Variants in TOPAZ1 observed in about 807,000 individuals in gnomAD.
TOPAZ1 encodes the protein protein TOPAZ1.
In TOPAZ1, 66 loss-of-function variants were observed where a neutral mutation model predicts 172.2. That is an observed-to-expected ratio of 0.38 (90% CI 0.31 to 0.47). The LOEUF (loss-of-function observed/expected upper bound fraction) is 0.47. Among genes scored for constraint, TOPAZ1 ranks in the 20% least tolerant of loss-of-function variants. The probability of loss-of-function intolerance (pLI) is 0.99; values close to 1 mark genes in which losing one functional copy is unlikely to be tolerated. For synonymous variants in TOPAZ1, 681 were observed against 683.9 expected (o/e 1.00, Z 0.07); for missense variants, 1,822 against 1,972.4 (o/e 0.92, Z 1.44).
chr3:44,289,482 AT>A (rs11387976), intron 11 of TOPAZ1, among the ~76,000 whole-genome samples: 2 of 151,602 alleles, frequency 1.3e-5, no homozygotes, highest in South Asian at 2.1e-4. Context: ...TTTTTACAGG[AT>A]TTTTTTTTAC....
intron 8 of TOPAZ1, among the ~76,000 whole-genome samples, chr3:44,279,105 G>A (rs566826224): frequency 6.6e-6 from 1 of 152,198 alleles, no homozygotes; most frequent in South Asian, 2.1e-4. Flanking sequence ...TCAGGAGCAG[G>A]TTGTTTAGTT....
In TOPAZ1 at chr3:44,305,239, T is replaced by C; in HGVS notation, c.3957T>C (p.Phe1319=). 1 of 1,548,972 alleles carries C rather than the reference T, an allele frequency of 6.5e-7. No homozygotes were observed. The change falls in exon 14 of 20, where the codon TTT becomes TTC. Residue 1319 remains phenylalanine (F), a synonymous_variant. Transcript: ENST00000309765. The part of the protein sequence containing the change: ...GCEKFADFQT[F]CACIAETLTK... ...AAAAATTTGCAGATTTCCAGACATTTTGTGCTTGCATTGCTGAAACACTCA... is the reference window on the plus strand; with the variant it reads ...AAAAATTTGCAGATTTCCAGACATTCTGTGCTTGCATTGCTGAAACACTCA...
chr3:44,270,820 A>G lies in TOPAZ1; in HGVS notation c.3372+10A>G. 1 of 1,537,470 alleles carries G rather than the reference A, an allele frequency of 6.5e-7. No homozygotes were observed. The highest frequency in any genetic ancestry group is 2.1e-5 in the Admixed American group (1 of 47,644). On this transcript the variant is annotated intron_variant, in intron 8 of 19. Coordinates refer to ENST00000309765, the MANE Select transcript of TOPAZ1 (RefSeq NM_001145030.2). ...ACAAGGGGATGAAAAGGTAAAACAT[A>G]TAAAGTCTTTAAAGTAGAGATTGTT...
At chr3:44,296,586 CA>C (rs145738442) in intron 12 of TOPAZ1, among the ~76,000 whole-genome samples, 4 of 148,474 alleles carry the variant, frequency 2.7e-5, no homozygotes, top group Non-Finnish European at 4.5e-5. Flanking sequence ...TTAAAAACCA[CA>C]AAAAAAAACA....
At chr3:44,298,406 C>A (rs755533139) in intron 12 of TOPAZ1, among the ~76,000 whole-genome samples, 2 of 152,026 alleles carry the variant, frequency 1.3e-5, no homozygotes, top group African/African-American at 4.8e-5. Flanking sequence ...TGCAATGAGC[C>A]GTGATTGCAC....
Position 44,287,820 on chromosome 3 carries a change from TA to T in TOPAZ1, c.3664del (p.Ile1222LeufsTer36). 6.9e-7 allele frequency: 1 copy of T among 1,452,470 alleles called. No individual in the cohort carries two copies. Among genetic ancestry groups the T allele is most frequent in the Non-Finnish European group, 9.3e-7 (1 of 1,069,876 alleles). The allele number at this position is 1,452,470 out of a possible 1,614,324, so 90.0% of individuals were successfully genotyped here. ...AAATTAAGGAATGCTGTACCTGCTT[TA>T]ATTGATATCTTTTGCAAGGTATGGT... ...TMKLRNAVPA[L>X]IDIFCKLVEA... On this transcript the variant is annotated frameshift_variant, in exon 11 of 20. Coordinates refer to ENST00000309765, the MANE Select transcript of TOPAZ1 (RefSeq NM_001145030.2). LOFTEE classifies it high-confidence loss of function.
chr3:44,303,054 A>G (rs1288300506), intron 12 of TOPAZ1, among the ~76,000 whole-genome samples: 4 of 152,116 alleles, frequency 2.6e-5, no homozygotes, highest in Admixed American at 2.0e-4. Flanking sequence ...GCTGGTCTCA[A>G]ACTCCTGAGC....
chr3:44,326,088 C>A (rs1700598141), intron 18 of TOPAZ1, among the ~76,000 whole-genome samples: 1 of 152,154 alleles, frequency 6.6e-6, no homozygotes, highest in Non-Finnish European at 1.5e-5. Flanking sequence ...GAGTTGTTTT[C>A]ACTTTTTGGC....
At chr3:44,283,022 A>C (rs951586343) in intron 9 of TOPAZ1, among the ~76,000 whole-genome samples, 2 of 152,312 alleles carry the variant, frequency 1.3e-5, no homozygotes, top group African/African-American at 4.8e-5. Flanking sequence ...AATTCCAGAA[A>C]TAATTCCATA....
intron 4 of TOPAZ1, among the ~76,000 whole-genome samples, chr3:44,257,973 T>C (rs1204718520): frequency 1.3e-5 from 2 of 152,204 alleles, no homozygotes; most frequent in Non-Finnish European, 2.9e-5. Context: ...AGAGGATTAT[T>C]AATTGATAAT....
intron 18 of TOPAZ1, among the ~76,000 whole-genome samples, chr3:44,327,942 C>T (rs796796568): frequency 1.3e-5 from 2 of 152,156 alleles, no homozygotes; most frequent in African/African-American, 4.8e-5. Flanking sequence ...TGGGGTTTCA[C>T]CATGTTGGCC....
chr3:44,336,641 G>T (rs1172006373), downstream of TOPAZ1, among the ~76,000 whole-genome samples: 3 of 152,156 alleles, frequency 2.0e-5, no homozygotes, highest in Non-Finnish European at 4.4e-5. Flanking sequence ...CGTTCTGCAG[G>T]ATCCCCTTGT....
At chr3:44,331,364 C>T (rs1315623841) in intron 19 of TOPAZ1, among the ~76,000 whole-genome samples, 2 of 151,838 alleles carry the variant, frequency 1.3e-5, no homozygotes, top group African/African-American at 2.4e-5. Flanking sequence ...CTTGCTCTAT[C>T]ACTCAGGCTA....
chr3:44,247,111 A>C (rs35540759), intron 2 of TOPAZ1, among the ~76,000 whole-genome samples: 51,637 of 152,024 alleles, frequency 0.34, 9,458 homozygotes, highest in African/African-American at 0.43. Context: ...TGGGGGGGAA[A>C]TCCACCACCC....
At chr3:44,335,353 C>T (rs1332329512), downstream of TOPAZ1, among the ~76,000 whole-genome samples, 1 of 152,048 alleles carries the variant, frequency 6.6e-6, no homozygotes, top group Non-Finnish European at 1.5e-5. Flanking sequence ...GGGCCAGGCA[C>T]AGTGGCTCAC....
chr3:44,298,905 ATATATTTT>A (rs1446560456), intron 12 of TOPAZ1, among the ~76,000 whole-genome samples: 15 of 12,684 alleles, frequency 1.2e-3, no homozygotes, highest in African/African-American at 6.2e-3. Flanking sequence ...ATATATATAT[ATATATTTT>A]TTTTTTTTTT....
chr3:44,281,869 T>C, intron 8 of TOPAZ1, 99 bp from the exon 9 acceptor site: 1 of 705,250 alleles, frequency 1.4e-6, no homozygotes. Context: ...TGAGATCATT[T>C]AAAAATTTCA....
intron 11 of TOPAZ1, among the ~76,000 whole-genome samples, chr3:44,289,526 C>T (rs942467719): frequency 6.6e-6 from 1 of 151,952 alleles, no homozygotes; most frequent in Non-Finnish European, 1.5e-5. Context: ...TGTTGAATAA[C>T]GTGTCTTAGG....
At chr3:44,266,172 C>G (rs1266476350) in intron 5 of TOPAZ1, among the ~76,000 whole-genome samples, 1 of 152,196 alleles carries the variant, frequency 6.6e-6, no homozygotes, top group Non-Finnish European at 1.5e-5. Context: ...TCTCAGCCCT[C>G]ACAGAATTGA....
Sources: gnomAD v4.1 joint callset for allele counts (sites outside exome capture counted in the v4.1 genomes callset) on GRCh38, gnomAD v4.1.1 for gene constraint, MANE v1.5 for transcripts, NCBI Gene and HGNC (gene_info 2026-07-23, HGNC 2026-07-21) for gene names.